The following ROBO2 variants were observed in gnomAD, a reference collection of about 807,000 sequenced individuals.
ROBO2 encodes roundabout homolog 2.
Under a neutral mutation model 160.8 loss-of-function variants are expected in ROBO2, and 53 were observed. That is an observed-to-expected ratio of 0.33 (90% CI 0.26 to 0.41). The LOEUF is 0.41. ROBO2 is among the 10% of genes least tolerant of loss of function. The probability of loss-of-function intolerance (pLI) is 1.00; values close to 1 mark genes in which losing one functional copy is unlikely to be tolerated. For synonymous variants in ROBO2, 664 were observed against 611.7 expected (o/e 1.09, Z -1.26); for missense variants, 1,577 against 1,722.4 (o/e 0.92, Z 1.49).
chr3:76,815,414 T>A (rs1418421105), intron 2 of ROBO2, among the ~76,000 whole-genome samples: 2 of 151,158 alleles, frequency 1.3e-5, no homozygotes, highest in East Asian at 2.0e-4. Context: ...CTGCTCCCAG[T>A]CAACAGCAAG....
At chr3:76,088,106 C>T (rs1328695089) in intron 2 of ROBO2, among the ~76,000 whole-genome samples, 2 of 151,868 alleles carry the variant, frequency 1.3e-5, no homozygotes, top group Non-Finnish European at 2.9e-5. Flanking sequence ...GACTTCAGAG[C>T]AAAGAAAGTA....
At chr3:77,257,879 C>T (rs997275912) in intron 2 of ROBO2, among the ~76,000 whole-genome samples, 3 of 152,130 alleles carry the variant, frequency 2.0e-5, no homozygotes, top group Non-Finnish European at 4.4e-5. Context: ...AGGAACAAAA[C>T]CTTTTGATAA....
intron 2 of ROBO2, among the ~76,000 whole-genome samples, chr3:76,475,821 C>T (rs879863861): frequency 3.3e-5 from 5 of 152,164 alleles, no homozygotes; most frequent in African/African-American, 7.2e-5. Flanking sequence ...AGTCCCCTCA[C>T]GGGGTAAAGA....
intron 2 of ROBO2, among the ~76,000 whole-genome samples, chr3:76,362,766 G>T (rs1006739169): frequency 1.5e-4 from 23 of 152,128 alleles, no homozygotes; most frequent in African/African-American, 5.3e-4. Context: ...GTCTTTGAGT[G>T]GCTGCTGTTC....
At chr3:77,395,631 A>G (rs2075201299) in intron 2 of ROBO2, among the ~76,000 whole-genome samples, 1 of 152,142 alleles carries the variant, frequency 6.6e-6, no homozygotes, top group African/African-American at 2.4e-5. Flanking sequence ...GACTCTTCAT[A>G]TAAAATTGCA....
chr3:77,232,620 T>C (rs1169361126), intron 2 of ROBO2, among the ~76,000 whole-genome samples: 1 of 152,110 alleles, frequency 6.6e-6, no homozygotes, highest in African/African-American at 2.4e-5. Context: ...TTACCCAGGA[T>C]TGAGGGAGGC....
intron 2 of ROBO2, among the ~76,000 whole-genome samples, chr3:77,323,031 ATATTATATTATGGATAATATAATATAT>A (rs1310208631): frequency 4.8e-4 from 68 of 141,026 alleles, no homozygotes; most frequent in African/African-American, 1.5e-3. Context: ...ATAATATATT[ATATTATATTATGGATAATATAATATAT>A]TATATTATAT....
chr3:76,818,517 A>G (rs143736774), intron 2 of ROBO2, among the ~76,000 whole-genome samples: 82 of 152,028 alleles, frequency 5.4e-4, no homozygotes, highest in Non-Finnish European at 1.0e-3. Flanking sequence ...CCATTTATTT[A>G]TCTTTGTTTT....
intron 1 of ROBO2, among the ~76,000 whole-genome samples, chr3:77,064,514 C>T (rs1297563222): frequency 6.6e-6 from 1 of 151,964 alleles, no homozygotes; most frequent in African/African-American, 2.4e-5. Context: ...GCATGCACCA[C>T]CATGCCCAGC....
chr3:77,441,620 A>G (rs574498840), intron 2 of ROBO2, among the ~76,000 whole-genome samples: 3 of 152,302 alleles, frequency 2.0e-5, no homozygotes, highest in African/African-American at 4.8e-5. Context: ...AGTGTTCTGA[A>G]GGACAGCTGG....
chr3:76,889,391 G>A (rs1457576394), intron 2 of ROBO2, among the ~76,000 whole-genome samples: 1 of 152,066 alleles, frequency 6.6e-6, no homozygotes, highest in East Asian at 1.9e-4. Flanking sequence ...AAATTTACCT[G>A]GGATATTAGA....
At chr3:77,100,092 T>A (rs2071694264) in intron 2 of ROBO2, among the ~76,000 whole-genome samples, 1 of 152,206 alleles carries the variant, frequency 6.6e-6, no homozygotes, top group African/African-American at 2.4e-5. Context: ...TCTAAAAGAA[T>A]TGCTTTCTTT....
chr3:77,503,163 G>C (rs925287756), intron 5 of ROBO2, among the ~76,000 whole-genome samples: 5 of 151,826 alleles, frequency 3.3e-5, no homozygotes, highest in African/African-American at 9.7e-5. Context: ...CTGCATGCCT[G>C]TATCAAAACA....
intron 2 of ROBO2, among the ~76,000 whole-genome samples, chr3:76,299,094 A>G (rs979392071): frequency 2.0e-5 from 3 of 152,240 alleles, no homozygotes; most frequent in African/African-American, 7.2e-5. Flanking sequence ...GAATACAACG[A>G]ACACAAATTC....
chr3:76,701,927 C>G (rs918962934), intron 2 of ROBO2, among the ~76,000 whole-genome samples: 2 of 151,388 alleles, frequency 1.3e-5, no homozygotes, highest in African/African-American at 4.9e-5. Flanking sequence ...AAATGCCGCT[C>G]TTCATTTATT....
intron 2 of ROBO2, among the ~76,000 whole-genome samples, chr3:76,036,868 A>C (rs549282289): frequency 6.6e-6 from 1 of 151,908 alleles, no homozygotes; most frequent in Non-Finnish European, 1.5e-5. Context: ...GTAGATCTCT[A>C]TTCACCTCGA....
chr3:77,299,646 G>T (rs1244171990), intron 2 of ROBO2, among the ~76,000 whole-genome samples: 1 of 152,066 alleles, frequency 6.6e-6, no homozygotes, highest in Non-Finnish European at 1.5e-5. Context: ...ACCTCCCACT[G>T]GTTCTCTTCC....
At chr3:77,502,127 A>T (rs114344606) in intron 5 of ROBO2, among the ~76,000 whole-genome samples, 1 of 152,204 alleles carries the variant, frequency 6.6e-6, no homozygotes, top group Non-Finnish European at 1.5e-5. Flanking sequence ...ATATGCCAAC[A>T]TCACTGACTA....
intron 2 of ROBO2, among the ~76,000 whole-genome samples, chr3:77,171,676 A>T (rs145391348): frequency 1.3e-5 from 2 of 152,348 alleles, no homozygotes; most frequent in Non-Finnish European, 2.9e-5. Flanking sequence ...ACTCAATTCC[A>T]TAATTTTGCC....
Sources: allele counts gnomAD v4.1 joint callset (sites outside exome capture counted in the v4.1 genomes callset), GRCh38; gene constraint gnomAD v4.1.1; transcripts MANE v1.5; gene names NCBI Gene and HGNC (gene_info 2026-07-23, HGNC 2026-07-21).